Variants in NRXN1 observed in about 807,000 individuals in gnomAD.
The protein encoded by NRXN1 is neurexin 1, also known as neurexin-1.
In NRXN1, 39 loss-of-function variants were observed where a neutral mutation model predicts 150.9. The observed-to-expected ratio is 0.26, with a 90% CI of 0.20 to 0.34. NRXN1 has a LOEUF of 0.34. Among genes scored for constraint, NRXN1 ranks in the 10% least tolerant of loss-of-function variants. The pLI, the probability that NRXN1 is intolerant of heterozygous loss-of-function variation, is 1.00. For synonymous variants in NRXN1, 924 were observed against 757.0 expected, an observed-to-expected ratio of 1.22 and a Z score of -3.62; for missense variants, 1,815 against 1,949.9, an observed-to-expected ratio of 0.93 and a Z score of 1.30.
chr2:51,025,515 G>A (rs1670303416), intron 2 of NRXN1, among the ~76,000 whole-genome samples: 1 of 152,120 alleles, frequency 6.6e-6, no homozygotes, highest in African/African-American at 2.4e-5. Context: ...AGTACAAGCT[G>A]TCATTGTGTC....
intron 5 of NRXN1, among the ~76,000 whole-genome samples, chr2:50,846,071 T>C (rs956560650): frequency 2.6e-5 from 4 of 152,224 alleles, no homozygotes; most frequent in African/African-American, 4.8e-5. Context: ...TTACTAGCTA[T>C]AGGGAGTAAA....
chr2:50,104,032 T>C (rs1242264214), intron 18 of NRXN1, among the ~76,000 whole-genome samples: 1 of 152,032 alleles, frequency 6.6e-6, no homozygotes, highest in Non-Finnish European at 1.5e-5. Flanking sequence ...TGATACCCTA[T>C]ATTGTTTGGA....
At chr2:50,728,295 C>A (rs904709560) in intron 5 of NRXN1, among the ~76,000 whole-genome samples, 25 of 152,088 alleles carry the variant, frequency 1.6e-4, no homozygotes, top group Admixed American at 5.9e-4. Flanking sequence ...TTCCACTTAT[C>A]CTAATAAGTT....
At chr2:50,016,562 T>G (rs1425812180) in intron 21 of NRXN1, 1 of 152,068 alleles carries the variant, frequency 6.6e-6, no homozygotes, top group African/African-American at 2.4e-5. Flanking sequence ...AGCAAACACA[T>G]CCTTCTTAAC....
chr2:50,419,289 T>C (rs916078251), intron 17 of NRXN1, among the ~76,000 whole-genome samples: 3 of 152,062 alleles, frequency 2.0e-5, no homozygotes, highest in Non-Finnish European at 4.4e-5. Context: ...AAGACATACT[T>C]GGTAATGAGT....
intron 21 of NRXN1, among the ~76,000 whole-genome samples, chr2:49,976,443 G>A (rs994148722): frequency 6.6e-6 from 1 of 151,910 alleles, no homozygotes; most frequent in Non-Finnish European, 1.5e-5. Flanking sequence ...GTTTTATTAG[G>A]TATCATTTTA....
At chr2:50,543,942 C>A (rs1243350231) in intron 9 of NRXN1, among the ~76,000 whole-genome samples, 1 of 152,098 alleles carries the variant, frequency 6.6e-6, no homozygotes, top group Non-Finnish European at 1.5e-5. Flanking sequence ...TCCAGCTCTT[C>A]AACTAACTAG....
intron 18 of NRXN1, among the ~76,000 whole-genome samples, chr2:50,095,589 A>C (rs1196739340): frequency 6.6e-5 from 10 of 152,014 alleles, no homozygotes; most frequent in Non-Finnish European, 1.3e-4. Context: ...AATGCACTAA[A>C]CTCTGAAATA....
intron 5 of NRXN1, among the ~76,000 whole-genome samples, chr2:50,783,674 G>T (rs1266832022): frequency 6.6e-6 from 1 of 151,982 alleles, no homozygotes; most frequent in South Asian, 2.1e-4. Flanking sequence ...TTTCTCTCTA[G>T]TACTCTAGCT....
intron 17 of NRXN1, among the ~76,000 whole-genome samples, chr2:50,312,366 C>T (rs989760923): frequency 1.3e-5 from 2 of 151,208 alleles, no homozygotes; most frequent in African/African-American, 4.9e-5. Flanking sequence ...AACAATTTTG[C>T]AGGCACTTGA....
intron 5 of NRXN1, among the ~76,000 whole-genome samples, chr2:50,873,299 C>G (rs2106110132): frequency 6.6e-6 from 1 of 151,912 alleles, no homozygotes; most frequent in South Asian, 2.1e-4. Flanking sequence ...CCTGTAATAT[C>G]AAAACAAACA....
In NRXN1 at chr2:50,722,236, A is replaced by C. The variant is rs182398149; in HGVS notation, c.833-98621T>G. 8.5e-5 allele frequency among the ~76,000 whole-genome samples: 13 copies of C among 152,320 alleles called. No homozygotes were observed. In the East Asian group the frequency reaches 2.3e-3, roughly 27 times the overall value. On this transcript the variant is annotated intron_variant, in intron 5 of 22. Coordinates refer to ENST00000401669, the MANE Select transcript of NRXN1 (RefSeq NM_001330078.2). ...ATGTTAGTGGCAAAATAATTAAAAA[A>C]TATGGAACCCCAAAATTGAGGGTCT...
intron 10 of NRXN1, among the ~76,000 whole-genome samples, chr2:50,536,310 G>C (rs2093257921): frequency 6.6e-6 from 1 of 152,208 alleles, no homozygotes; most frequent in Non-Finnish European, 1.5e-5. Flanking sequence ...TGGAGACAAA[G>C]AAATCTGCAG....
At chr2:50,893,523 G>T (rs555270499) in intron 5 of NRXN1, among the ~76,000 whole-genome samples, 14 of 152,054 alleles carry the variant, frequency 9.2e-5, no homozygotes, top group Non-Finnish European at 1.9e-4. Context: ...AGGACCAAAA[G>T]ATTCTTCTTA....
chr2:50,948,002 T>A (rs531694026), intron 2 of NRXN1, among the ~76,000 whole-genome samples: 122 of 152,064 alleles, frequency 8.0e-4, no homozygotes, highest in Admixed American at 2.7e-3. Context: ...TCAAAATACA[T>A]TAAAAAATCC....
chr2:50,599,879 T>C (rs1323053884), intron 8 of NRXN1, among the ~76,000 whole-genome samples: 8 of 152,178 alleles, frequency 5.3e-5, no homozygotes, highest in Non-Finnish European at 1.2e-4. Context: ...GTTGATGGGG[T>C]GGATTTTAGT....
intron 8 of NRXN1, among the ~76,000 whole-genome samples, chr2:50,566,819 A>G (rs72884019): frequency 0.011 from 1,716 of 152,148 alleles, 21 homozygotes; most frequent in African/African-American, 0.04. Flanking sequence ...TCCCCACCCC[A>G]TGGGATAGTA....
chr2:50,239,034 A>C (rs1193807460), intron 17 of NRXN1, among the ~76,000 whole-genome samples: 1 of 151,932 alleles, frequency 6.6e-6, no homozygotes, highest in African/African-American at 2.4e-5. Flanking sequence ...GAATATACAG[A>C]GTGTAGATCA....
intron 18 of NRXN1, among the ~76,000 whole-genome samples, chr2:50,220,626 CA>C (rs2063810979): frequency 6.6e-6 from 1 of 151,968 alleles, no homozygotes; most frequent in South Asian, 2.1e-4. Flanking sequence ...AATATCTGTA[CA>C]GGATTTTTGC....
Sources: gnomAD v4.1 joint callset for allele counts (sites outside exome capture counted in the v4.1 genomes callset) on GRCh38, gnomAD v4.1.1 for gene constraint, MANE v1.5 for transcripts, NCBI Gene and HGNC (gene_info 2026-07-23, HGNC 2026-07-21) for gene names.